ZNF800: variants seen among roughly 807,000 people sequenced by gnomAD.
ZNF800 encodes the protein zinc finger protein 800.
ZNF800 carries 13 observed loss-of-function variants against 59.5 expected under a neutral mutation model. That is an observed-to-expected ratio of 0.22 (90% confidence interval 0.14 to 0.35). The LOEUF is 0.35. Among genes scored for constraint, ZNF800 ranks in the 10% least tolerant of loss-of-function variants. The probability of loss-of-function intolerance (pLI) is 1.00; values close to 1 mark genes in which losing one functional copy is unlikely to be tolerated. For synonymous variants in ZNF800, 266 were observed against 265.7 expected (o/e 1.00, Z -0.01); for missense variants, 621 against 783.7 (o/e 0.79, Z 2.48).
intron 3 of ZNF800, among the ~76,000 whole-genome samples, chr7:127,378,989 C>T (rs996020727): frequency 6.6e-6 from 1 of 152,038 alleles, no homozygotes; most frequent in Non-Finnish European, 1.5e-5. Flanking sequence ...AAATTATATA[C>T]TTGAGTTTCT....
At chr7:127,387,723 T>G (rs556114017) in intron 2 of ZNF800, among the ~76,000 whole-genome samples, 4 of 151,838 alleles carry the variant, frequency 2.6e-5, no homozygotes, top group South Asian at 2.1e-4. Context: ...TAGCCAGGCG[T>G]GGTGGCTCAT....
Position 127,391,612 on chromosome 7 carries a change from G to C in ZNF800, c.-55C>G, listed in dbSNP as rs375745229. 34 of 1,553,632 alleles carry C rather than the reference G, an allele frequency of 2.2e-5. No individual in the cohort carries two copies. Among genetic ancestry groups the C allele is most frequent in the Non-Finnish European group, 2.9e-5 (33 of 1,125,556 alleles). ...ACTGTAAGAAGCTCTTCATTGCGGC[G>C]TGGCTGTTGAAAGAAGCACAAACCC... is the stretch of plus-strand genomic sequence containing the variant. On this transcript the variant is annotated 5_prime_UTR_variant, in exon 2 of 6. Coordinates refer to ENST00000265827, the MANE Select transcript of ZNF800 (RefSeq NM_176814.5).
intron 5 of ZNF800, 99 bp downstream of exon 5, chr7:127,373,243 A>AAACGTGTTAAAATGGAACCAGCTAT (rs1321660827): frequency 4.0e-6 from 6 of 1,504,910 alleles, no homozygotes; most frequent in Non-Finnish European, 5.3e-6. Flanking sequence ...ATATGGAAGC[A>AAACGTGTTAAAATGGAACCAGCTAT]AACGTGTTAA....
exon 2 of ZNF800, chr7:127,347,909 G>A (rs1332800930): frequency 6.7e-6 from 1 of 149,514 alleles, no homozygotes; most frequent in East Asian, 1.9e-4. Context: ...GAGCTCTCGG[G>A]CGGCGCCGCC....
intron 1 of ZNF800, among the ~76,000 whole-genome samples, chr7:127,348,389 G>C (rs1366453366): frequency 6.9e-6 from 1 of 145,492 alleles, no homozygotes; most frequent in East Asian, 2.0e-4. Flanking sequence ...GGTGTTCAGT[G>C]CAGTATCTAT....
rs1800829820 is a variant in ZNF800, at chr7:127,377,877, A to T, written c.158-548T>A. 6.6e-6 allele frequency among the ~76,000 whole-genome samples: 1 copy of T among 152,034 alleles called. No homozygotes were observed. The highest frequency in any genetic ancestry group is 2.1e-4 in the South Asian group (1 of 4,832). On this transcript the variant is annotated intron_variant, in intron 3 of 5. Coordinates refer to ENST00000265827, the MANE Select transcript of ZNF800 (RefSeq NM_176814.5). This position sits in a 1 kb window ranked among gnomAD's most constrained non-coding sequence, Gnocchi z 4.7. ...GATTTTTCTCTTTAAATTCAGCTCA[A>T]ATTACTTCAGGTTCTGGGCCAACAT...
downstream of ZNF800, among the ~76,000 whole-genome samples, chr7:127,365,439 T>C (rs899024663): frequency 3.9e-5 from 6 of 152,142 alleles, no homozygotes; most frequent in African/African-American, 1.2e-4. Context: ...ATCATTCTCT[T>C]AGCAACTGTT....
At chr7:127,386,009 G>T (rs755647065) in intron 3 of ZNF800, 51 bp downstream of exon 3, 5 of 1,285,446 alleles carry the variant, frequency 3.9e-6, no homozygotes, top group Non-Finnish European at 5.5e-6. Flanking sequence ...CTTCTAGGTA[G>T]TTTTTAACTA....
At position 127,392,333 on chromosome 7, in the gene ZNF800, G is replaced by T; in HGVS notation, c.-332C>A. On this transcript the variant is annotated 5_prime_UTR_variant, in exon 1 of 6. Coordinates refer to ENST00000265827, the MANE Select transcript of ZNF800 (RefSeq NM_176814.5). ...TCCGCGCTGTGTGGCTAGGCGGGAG[G>T]CGCGCGGGCGGAGGCAGTTGACAGG... 1 of 383,832 alleles carries T rather than the reference G, an allele frequency of 2.6e-6. No individual in the cohort carries two copies. Among genetic ancestry groups the T allele is most frequent in the East Asian group, 3.7e-5 (1 of 26,850 alleles). The allele number at this position is 383,832 out of a possible 1,614,324, so 23.8% of individuals were successfully genotyped here.
chr7:127,392,244 A>G lies in ZNF800; in HGVS notation c.-243T>C. 2.5e-6 allele frequency: 1 copy of G among 392,346 alleles called. No individual in the cohort carries two copies. The highest frequency in any genetic ancestry group is 3.6e-5 in the East Asian group (1 of 27,650). 24.3% of individuals were successfully genotyped at this position (392,346 alleles called of 1,614,324 possible). On this transcript the variant is annotated 5_prime_UTR_variant, in exon 1 of 6. Coordinates refer to ENST00000265827, the MANE Select transcript of ZNF800 (RefSeq NM_176814.5). The stretch of plus-strand genomic sequence containing the variant: ...GAGTCCCCGCCGGCGCTGACGCGGA[A>G]GCGCCACAGCTCACCACGTCCCTCC...
chr7:127,387,800 G>A (rs1348002199), intron 2 of ZNF800, among the ~76,000 whole-genome samples: 1 of 152,090 alleles, frequency 6.6e-6, no homozygotes, highest in Non-Finnish European at 1.5e-5. Context: ...GGCAGAGGTT[G>A]CAGTGAGCTG....
intron 5 of ZNF800, 132 bp downstream of exon 5, chr7:127,373,210 T>TG: frequency 7.5e-6 from 11 of 1,467,710 alleles, no homozygotes; most frequent in Non-Finnish European, 9.9e-6. Flanking sequence ...ACATTACTCT[T>TG]GCAGTTCCCA....
chr7:127,389,062 T>A (rs901978168), intron 2 of ZNF800, among the ~76,000 whole-genome samples: 1 of 152,160 alleles, frequency 6.6e-6, no homozygotes, highest in African/African-American at 2.4e-5. Context: ...GAATATAACA[T>A]TGACTTTTGT....
chr7:127,391,462 G>A lies in ZNF800; in HGVS notation c.61+35C>T, dbSNP rs368204838. 1.3e-4 allele frequency: 205 copies of A among 1,606,204 alleles called. 2 individuals are homozygous for A. In the African/African-American group the frequency reaches 2.3e-3, roughly 18 times the overall value. ...AAGAGAAGGCAGAGTGGCTCTGATG[G>A]AGGGCAAAGCAACTGCGGACGAAGA... On this transcript the variant is annotated intron_variant, in intron 2 of 5. Coordinates refer to ENST00000265827, the MANE Select transcript of ZNF800 (RefSeq NM_176814.5).
Position 127,374,207 on chromosome 7 carries a change from G to A in ZNF800, c.1129C>T (p.His377Tyr). ...KYSSQIMLKR[H>Y]MQIVHKITLS... ...GTTATCTTGTGGACAATTTGCATATGTCTTTTAAGCATTATTTGTGAACTA... is the reference window on the plus strand; with the variant it reads ...GTTATCTTGTGGACAATTTGCATATATCTTTTAAGCATTATTTGTGAACTA... The change falls in exon 5 of 6, where the codon CAT becomes TAT. Residue 377 changes from histidine to tyrosine, a missense_variant. Around this residue, in one of 7 missense-constraint regions of ZNF800, gnomAD observed 185 missense variants for 177.6 expected, o/e 1.04. Transcript: ENST00000265827. 1 of 1,614,058 alleles carries A rather than the reference G, an allele frequency of 6.2e-7. No individual in the cohort carries two copies. Among genetic ancestry groups the A allele is most frequent in the Non-Finnish European group, 8.5e-7 (1 of 1,179,980 alleles).
Position 127,374,000 on chromosome 7 carries a change from C to T in ZNF800, c.1336G>A (p.Ala446Thr). Reference sequence around the variant, plus strand: ...TCTTGTTTAACTTTATTTTTCTGTGCTGCCGGTGTGTTCTTTTTTTCATTT... The same window carrying T: ...TCTTGTTTAACTTTATTTTTCTGTGTTGCCGGTGTGTTCTTTTTTTCATTT... ...HSNEKKNTPAAQKNKVKQDSE... is the reference protein window; with the variant it reads ...HSNEKKNTPATQKNKVKQDSE... Residue 446 changes from alanine (A) to threonine (T), a missense_variant, in exon 5 of 6, where the codon GCA (alanine) becomes ACA (threonine). Around this residue, in one of 7 missense-constraint regions of ZNF800, gnomAD observed 185 missense variants for 177.6 expected, o/e 1.04. Transcript: ENST00000265827. 6.2e-7 allele frequency: 1 copy of T among 1,613,954 alleles called. No homozygotes were observed.
In ZNF800 at chr7:127,392,110, GGGC is replaced by G. The variant is rs1460709141; in HGVS notation, c.-112_-110del. The G allele has an allele frequency of 2.5e-6, 1 of 392,956 alleles. No homozygotes were observed. Among genetic ancestry groups the G allele is most frequent in the Non-Finnish European group, 4.5e-6 (1 of 222,692 alleles). The allele number at this position is 392,956 out of a possible 1,614,324, so 24.3% of individuals were successfully genotyped here. A position where few individuals can be genotyped will look rare whatever the true frequency, so the allele number is the denominator to read the frequency against. On this transcript the variant is annotated 5_prime_UTR_variant, in exon 1 of 6. Transcript: ENST00000265827. ...CGGGCGGAAGGAAGGAAGGCAGGCC[GGGC>G]GGCCGCGGGGACAGCCTGGCGTGGG...
rs868531051 is a variant in ZNF800 at position 127,392,339 on chromosome 7, G to A, written c.-338C>T. ...CTGTGTGGCTAGGCGGGAGGCGCGC[G>A]GGCGGAGGCAGTTGACAGGAGGAAC... On this transcript the variant is annotated 5_prime_UTR_variant, in exon 1 of 6. Coordinates refer to ENST00000265827, the MANE Select transcript of ZNF800 (RefSeq NM_176814.5). 4 of 383,534 alleles carry A rather than the reference G, an allele frequency of 1.0e-5. No individual in the cohort carries two copies. Among genetic ancestry groups the A allele is most frequent in the Non-Finnish European group, 1.4e-5 (3 of 216,664 alleles). The allele number at this position is 383,534 out of a possible 1,614,324, so 23.8% of individuals were successfully genotyped here.
intron 2 of ZNF800, among the ~76,000 whole-genome samples, chr7:127,388,298 A>G (rs1020491299): frequency 1.3e-5 from 2 of 152,232 alleles, no homozygotes; most frequent in African/African-American, 4.8e-5. Context: ...AAAATCTTAG[A>G]GAAAGAGAAT....
Sources: allele counts gnomAD v4.1 joint callset (sites outside exome capture counted in the v4.1 genomes callset), GRCh38; gene constraint gnomAD v4.1.1; regional missense constraint gnomAD v4.1.1; non-coding constraint Gnocchi (gnomAD v3.1); transcripts MANE v1.5; gene names NCBI Gene and HGNC (gene_info 2026-07-23, HGNC 2026-07-21).